Variants in ZC3H12B observed in about 807,000 individuals in gnomAD.
ZC3H12B encodes zinc finger CCCH-type containing 12B, also known as probable ribonuclease ZC3H12B.
ZC3H12B carries 7 observed loss-of-function variants against 43.9 expected under a neutral mutation model. The observed-to-expected ratio is 0.16, with a 90% confidence interval of 0.09 to 0.30. The LOEUF is 0.30. Ranked by LOEUF, ZC3H12B falls within the 10% of genes least tolerant of loss-of-function variation. The probability of loss-of-function intolerance (pLI) is 1.00; values close to 1 mark genes in which losing one functional copy is unlikely to be tolerated. For synonymous variants in ZC3H12B, 222 were observed against 241.7 expected (o/e 0.92, Z 0.76); for missense variants, 475 against 670.2 (o/e 0.71, Z 3.22).
At chrX:65,453,652 G>A (rs1300599527) in intron 3 of ZC3H12B, among the ~76,000 whole-genome samples, 1 of 107,702 alleles carries the variant, frequency 9.3e-6, no homozygotes. Flanking sequence ...AACACAGGAG[G>A]CAGAGGTTGC....
At chrX:65,116,175 G>C in the ZC3H12B span, among the ~76,000 whole-genome samples, 1 of 111,708 alleles carries the variant, frequency 9.0e-6, no homozygotes, top group African/African-American at 3.3e-5. Context: ...AATATTTACA[G>C]TTTCAGGTCT....
At chrX:65,506,169 C>T (rs2068423037) in exon 5 of ZC3H12B, 1 of 112,201 alleles carries the variant, frequency 8.9e-6, no homozygotes, top group Non-Finnish European at 1.9e-5. Flanking sequence ...CTCTTTATTA[C>T]CACTGCACAG....
the ZC3H12B span, among the ~76,000 whole-genome samples, chrX:65,161,548 G>T: frequency 4.5e-5 from 5 of 111,299 alleles, no homozygotes; most frequent in Non-Finnish European, 9.4e-5. Flanking sequence ...ATCTTTGTTG[G>T]TTTAAAGTCT....
the ZC3H12B span, among the ~76,000 whole-genome samples, chrX:65,177,897 C>T: frequency 8.9e-6 from 1 of 111,798 alleles, no homozygotes; most frequent in Non-Finnish European, 1.9e-5. Context: ...CAACCATTGA[C>T]TTTCTTCACA....
At chrX:65,121,749 C>G in the ZC3H12B span, among the ~76,000 whole-genome samples, 1 of 111,030 alleles carries the variant, frequency 9.0e-6, no homozygotes, top group Non-Finnish European at 1.9e-5. Context: ...GTTAAGGTGT[C>G]AATTTTAGAT....
chrX:65,090,155 A>T, the ZC3H12B span, among the ~76,000 whole-genome samples: 1 of 112,358 alleles, frequency 8.9e-6, no homozygotes, highest in Non-Finnish European at 1.9e-5. Flanking sequence ...GCAGTACCGT[A>T]GGTTTGTTTC....
intron 3 of ZC3H12B, among the ~76,000 whole-genome samples, chrX:65,459,132 A>G (rs2067687257): frequency 8.9e-6 from 1 of 112,125 alleles, no homozygotes; most frequent in Non-Finnish European, 1.9e-5. Flanking sequence ...ATTCCTCGAC[A>G]CATACACTCT....
the ZC3H12B span, among the ~76,000 whole-genome samples, chrX:65,319,798 C>T: frequency 9.0e-6 from 1 of 111,459 alleles, no homozygotes; most frequent in Non-Finnish European, 1.9e-5. Flanking sequence ...TGATTCATTA[C>T]ATAAACAGAA....
At chrX:65,317,317 T>A in the ZC3H12B span, among the ~76,000 whole-genome samples, 1 of 109,917 alleles carries the variant, frequency 9.1e-6, no homozygotes, top group Admixed American at 9.7e-5. Context: ...AAAATTTAAA[T>A]CAATACTAAG....
intron 3 of ZC3H12B, among the ~76,000 whole-genome samples, chrX:65,440,531 C>T (rs1443835472): frequency 8.9e-6 from 1 of 112,297 alleles, no homozygotes; most frequent in Non-Finnish European, 1.9e-5. Flanking sequence ...GAAGCTTTAC[C>T]ATTACTAGAC....
the ZC3H12B span, among the ~76,000 whole-genome samples, chrX:65,159,585 A>G: frequency 8.9e-6 from 1 of 111,790 alleles, no homozygotes; most frequent in Admixed American, 9.6e-5. Flanking sequence ...GTGTGTAAGA[A>G]TGCTTGTGAT....
At chrX:65,159,725 C>T in the ZC3H12B span, among the ~76,000 whole-genome samples, 9 of 111,636 alleles carry the variant, frequency 8.1e-5, no homozygotes. Context: ...CAATTTGACT[C>T]CCTCTTTTCC....
At chrX:65,439,673 G>A (rs73629442) in intron 3 of ZC3H12B, among the ~76,000 whole-genome samples, 16,041 of 111,484 alleles carry the variant, frequency 0.14, 2,741 homozygotes, top group African/African-American at 0.49. Flanking sequence ...CTTATTGAAG[G>A]AATACTCATG....
the ZC3H12B span, among the ~76,000 whole-genome samples, chrX:65,159,230 G>A: frequency 9.0e-6 from 1 of 111,678 alleles, no homozygotes; most frequent in African/African-American, 3.3e-5. Context: ...TTGTTCTTTT[G>A]GCTTAGCATT....
chrX:65,311,090 G>A, the ZC3H12B span, among the ~76,000 whole-genome samples: 2 of 111,860 alleles, frequency 1.8e-5, no homozygotes, highest in African/African-American at 6.5e-5. Flanking sequence ...GCATGGGCAA[G>A]GACTTCATGT....
intron 3 of ZC3H12B, among the ~76,000 whole-genome samples, chrX:65,442,904 G>A (rs746648124): frequency 9.0e-6 from 1 of 111,314 alleles, no homozygotes; most frequent in Non-Finnish European, 1.9e-5. Flanking sequence ...TGCCTGGATA[G>A]AACTAAGAGC....
At chrX:65,503,302 C>T (rs765868392) in exon 5 of ZC3H12B, 10 of 811,754 alleles carry the variant, frequency 1.2e-5, no homozygotes, top group African/African-American at 2.1e-5. Context: ...ATTTGTGTTG[C>T]GCTTTACAAG....
the ZC3H12B span, among the ~76,000 whole-genome samples, chrX:65,191,716 G>A: frequency 6.3e-4 from 68 of 107,512 alleles, no homozygotes; most frequent in South Asian, 3.3e-3. Context: ...TCTTGCTAGC[G>A]GTCTATCAAT....
intron 3 of ZC3H12B, among the ~76,000 whole-genome samples, chrX:65,476,935 C>T (rs996432854): frequency 2.8e-5 from 3 of 108,463 alleles, no homozygotes; most frequent in African/African-American, 1.0e-4. Context: ...GATTCTCCTA[C>T]CTAAGCCTCC....
Sources: allele counts gnomAD v4.1 joint callset (sites outside exome capture counted in the v4.1 genomes callset), GRCh38; gene constraint gnomAD v4.1.1; transcripts MANE v1.5; gene names NCBI Gene and HGNC (gene_info 2026-07-23, HGNC 2026-07-21).